Variants in DLEU7 observed in about 807,000 individuals in gnomAD.
The protein encoded by DLEU7 is leukemia-associated protein 7.
Under a neutral mutation model 16.0 loss-of-function variants are expected in DLEU7, and 17 were observed. That is an observed-to-expected ratio of 1.06 (90% confidence interval 0.73 to 1.59). The LOEUF is 1.59. Among genes scored for constraint, DLEU7 ranks in the 40% most tolerant of loss-of-function variants. The pLI, the probability that DLEU7 is intolerant of heterozygous loss-of-function variation, is 0.00. For missense variants in DLEU7, 308 were observed against 314.9 expected, an observed-to-expected ratio of 0.98 and a Z score of 0.17; for synonymous variants, 113 against 139.8, an observed-to-expected ratio of 0.81 and a Z score of 1.35.
chr13:50,721,685 A>T (rs1453893192), intron 1 of DLEU7, among the ~76,000 whole-genome samples: 1 of 152,160 alleles, frequency 6.6e-6, no homozygotes, highest in Non-Finnish European at 1.5e-5. Flanking sequence ...GATCAACAGA[A>T]CTGAAAACTC....
At chr13:50,810,628 G>C (rs373191219) in intron 1 of DLEU7, among the ~76,000 whole-genome samples, 162 of 152,260 alleles carry the variant, frequency 1.1e-3, no homozygotes, top group African/African-American at 3.7e-3. Flanking sequence ...AGGCCACCGG[G>C]AATGTCTTGT....
intron 1 of DLEU7, among the ~76,000 whole-genome samples, chr13:50,824,230 G>A (rs1877012145): frequency 6.6e-6 from 1 of 152,150 alleles, no homozygotes; most frequent in Non-Finnish European, 1.5e-5. Flanking sequence ...TAGTTTAAAA[G>A]AAGGAGGTAA....
At chr13:50,743,509 T>C (rs1037075465) in intron 1 of DLEU7, among the ~76,000 whole-genome samples, 3 of 152,156 alleles carry the variant, frequency 2.0e-5, no homozygotes, top group Admixed American at 2.0e-4. Context: ...GCCTTAGTTT[T>C]CTCATCTGTA....
intron 1 of DLEU7, among the ~76,000 whole-genome samples, chr13:50,740,125 G>GTGCT: frequency 6.6e-6 from 1 of 152,076 alleles, no homozygotes; most frequent in East Asian, 1.9e-4. Context: ...TTCCAAAAAG[G>GTGCT]TGCTTACACA....
intron 1 of DLEU7, among the ~76,000 whole-genome samples, chr13:50,733,672 A>G (rs943264485): frequency 6.6e-6 from 1 of 152,160 alleles, no homozygotes; most frequent in African/African-American, 2.4e-5. Flanking sequence ...CACACTAGAG[A>G]CATTCTCTTT....
At chr13:50,717,880 T>C (rs1244081343) in intron 1 of DLEU7, among the ~76,000 whole-genome samples, 2 of 152,106 alleles carry the variant, frequency 1.3e-5, no homozygotes, top group Non-Finnish European at 2.9e-5. Context: ...AAAATGAAAA[T>C]GGAACAAAAA....
intron 1 of DLEU7, among the ~76,000 whole-genome samples, chr13:50,766,311 G>A (rs554736058): frequency 5.9e-5 from 9 of 152,292 alleles, no homozygotes; most frequent in Non-Finnish European, 1.3e-4. Context: ...CACTCCACCC[G>A]TCTCCTTGTC....
chr13:50,820,167 T>C (rs1412886529), downstream of DLEU7, among the ~76,000 whole-genome samples: 1 of 152,066 alleles, frequency 6.6e-6, no homozygotes, highest in Non-Finnish European at 1.5e-5. Flanking sequence ...TCAGGAGTCT[T>C]GACAAGAGAA....
At chr13:50,768,000 T>C (rs1318765655) in intron 1 of DLEU7, among the ~76,000 whole-genome samples, 1 of 152,248 alleles carries the variant, frequency 6.6e-6, no homozygotes, top group Non-Finnish European at 1.5e-5. Context: ...TTTTGAAGAA[T>C]AGATGCTAAT....
chr13:50,767,711 T>C (rs1311559835), intron 1 of DLEU7, among the ~76,000 whole-genome samples: 1 of 152,142 alleles, frequency 6.6e-6, no homozygotes, highest in Admixed American at 6.6e-5. Flanking sequence ...TTTCCTCCAG[T>C]GTCCCCTAGC....
At chr13:50,841,533 T>C (rs1007807980) in intron 1 of DLEU7, among the ~76,000 whole-genome samples, 1 of 152,104 alleles carries the variant, frequency 6.6e-6, no homozygotes, top group African/African-American at 2.4e-5. Context: ...TCATATTTCA[T>C]CTATTTTAAA....
downstream of DLEU7, among the ~76,000 whole-genome samples, chr13:50,821,319 T>G (rs1424772122): frequency 6.6e-6 from 1 of 151,480 alleles, no homozygotes; most frequent in African/African-American, 2.4e-5. Context: ...GACACCAAAG[T>G]TAGCATGGGG....
chr13:50,738,993 A>G (rs1469843244), intron 1 of DLEU7, among the ~76,000 whole-genome samples: 23 of 104,488 alleles, frequency 2.2e-4, no homozygotes, highest in South Asian at 9.4e-4. Context: ...ACACACACAC[A>G]CACACACACA....
At chr13:50,800,303 T>C (rs1876212788) in intron 1 of DLEU7, among the ~76,000 whole-genome samples, 2 of 152,056 alleles carry the variant, frequency 1.3e-5, no homozygotes, top group Admixed American at 6.6e-5. Flanking sequence ...GTTGACTGAG[T>C]GTAAAAAATA....
chr13:50,834,155 C>A (rs9568479), intron 1 of DLEU7, among the ~76,000 whole-genome samples: 44,457 of 114,204 alleles, frequency 0.39, 6,705 homozygotes, highest in East Asian at 0.45. Context: ...CTAAAACACA[C>A]AAAAAAAATG....
At chr13:50,842,962 C>G (rs994640493) in intron 1 of DLEU7, among the ~76,000 whole-genome samples, 1 of 151,898 alleles carries the variant, frequency 6.6e-6, no homozygotes, top group Non-Finnish European at 1.5e-5. Flanking sequence ...CCCCACATCT[C>G]GGTTGTGCCA....
chr13:50,712,963 C>A, exon 2 of DLEU7: 1 of 468,812 alleles, frequency 2.1e-6, no homozygotes, highest in Non-Finnish European at 3.8e-6. Flanking sequence ...AGCAAGATGA[C>A]AGGATTACTT....
At chr13:50,804,677 C>T (rs1376025640) in intron 1 of DLEU7, among the ~76,000 whole-genome samples, 1 of 151,992 alleles carries the variant, frequency 6.6e-6, no homozygotes, top group African/African-American at 2.4e-5. Flanking sequence ...AACTCCTGAC[C>T]TCAGGTGATC....
chr13:50,836,301 G>A (rs1410432300), intron 1 of DLEU7, among the ~76,000 whole-genome samples: 1 of 152,140 alleles, frequency 6.6e-6, no homozygotes, highest in African/African-American at 2.4e-5. Flanking sequence ...TGGAGATATG[G>A]GGGTGGGAGG....
Sources: gnomAD v4.1 joint callset for allele counts (sites outside exome capture counted in the v4.1 genomes callset) on GRCh38, gnomAD v4.1.1 for gene constraint, MANE v1.5 for transcripts, NCBI Gene and HGNC (gene_info 2026-07-23, HGNC 2026-07-21) for gene names.